The following SYNE2 variants were observed in gnomAD, a reference collection of about 807,000 sequenced individuals.
The protein encoded by SYNE2 is spectrin repeat containing nuclear envelope protein 2.
Under a neutral mutation model 856.3 loss-of-function variants are expected in SYNE2, and 431 were observed. That is an observed-to-expected ratio of 0.50 (90% CI 0.47 to 0.55). The LOEUF is 0.55. Ranked by LOEUF, SYNE2 falls within the 20% of genes least tolerant of loss-of-function variation. The pLI, the probability that SYNE2 is intolerant of heterozygous loss-of-function variation, is 0.00. For missense variants in SYNE2, 8,129 were observed against 8,023.2 expected (o/e 1.01, Z -0.50); for synonymous variants, 2,923 against 2,872.3 (o/e 1.02, Z -0.56).
intron 23 of SYNE2, among the ~76,000 whole-genome samples, chr14:63,996,107 G>T (rs1001252450): frequency 6.6e-6 from 1 of 152,120 alleles, no homozygotes; most frequent in African/African-American, 2.4e-5. Flanking sequence ...AAAACTGAAC[G>T]AATAATATCT....
At position 63,995,063 on chromosome 14, in the gene SYNE2, C is replaced by G. The variant is rs1419596389; in HGVS notation, c.2801C>G (p.Ser934Cys). 6.4e-7 allele frequency: 1 copy of G among 1,556,834 alleles called. No individual in the cohort carries two copies. Among genetic ancestry groups the G allele is most frequent in the Non-Finnish European group, 8.8e-7 (1 of 1,137,006 alleles). Residue 934 changes from serine (S) to cysteine (C), a missense_variant, in exon 23 of 116, where the codon TCT becomes TGT. Physicochemically the swap from Ser to Cys is moderately radical, Grantham distance 112. This residue lies in a region of SYNE2 where 2,422 missense variants were observed against 2,357.4 expected (regional missense o/e 1.03). Coordinates refer to ENST00000555002, the MANE Select transcript of SYNE2 (RefSeq NM_182914.3). The stretch of plus-strand genomic sequence containing the variant: ...TTGTAGTCTCTTCATCATGAACTGT[C>G]TTTATATGTTCAACAACTAAAAATA... ...AKWESLHHEL[S>C]LYVQQLKIDI...
intron 61 of SYNE2, among the ~76,000 whole-genome samples, chr14:64,096,279 C>T (rs1266526029): frequency 6.6e-6 from 1 of 152,178 alleles, no homozygotes; most frequent in Non-Finnish European, 1.5e-5. Context: ...CCAGTAACAA[C>T]GAATATACTT....
At chr14:64,062,730 T>G in intron 49 of SYNE2, 21 bp from the exon 50 acceptor site, 1 of 1,606,584 alleles carries the variant, frequency 6.2e-7, no homozygotes, top group Non-Finnish European at 8.5e-7. Flanking sequence ...TACCACTTTT[T>G]TTCTAACTGT....
In SYNE2 at chr14:64,017,635, G is replaced by T; in HGVS notation, c.4928G>T (p.Arg1643Leu). ...KTEDYYENLG[R>L]ALALWDKLFN... ...GAAGATTACTATGAAAATCTTGGTC[G>T]AGCTCTAGCTTTGTGGGACAAACTT... The change falls in exon 34 of 116, where the codon CGA (arginine) becomes CTA (leucine). Residue 1643 changes from arginine (R) to leucine (L), a missense_variant. By Grantham distance (102) the Arg-to-Leu change is moderately radical. Coordinates refer to ENST00000555002, the MANE Select transcript of SYNE2 (RefSeq NM_182914.3). 2 of 1,613,210 alleles carry T rather than the reference G, an allele frequency of 1.2e-6. No homozygotes were observed. Among genetic ancestry groups the T allele is most frequent in the Non-Finnish European group, 1.7e-6 (2 of 1,179,440 alleles).
At chr14:64,000,489 C>T in intron 27 of SYNE2, 73 bp from the exon 28 acceptor site, 2 of 1,382,834 alleles carry the variant, frequency 1.4e-6, no homozygotes, top group Non-Finnish European at 2.0e-6. Flanking sequence ...GTGAATGTCT[C>T]ATGTTTTAAG....
intron 95 of SYNE2, 31 bp from the exon 96 acceptor site, chr14:64,177,327 A>G (rs377336944): frequency 6.2e-7 from 1 of 1,613,748 alleles, no homozygotes; most frequent in Non-Finnish European, 8.5e-7. Context: ...AGAGCAAAAT[A>G]CTTACCAGTT....
intron 1 of SYNE2, among the ~76,000 whole-genome samples, chr14:63,788,459 G>T (rs1252135176): frequency 1.3e-5 from 2 of 152,144 alleles, no homozygotes; most frequent in African/African-American, 4.8e-5. Flanking sequence ...GCAGGGCAGG[G>T]ATCCTGCCTG....
chr14:64,024,895 G>T lies in SYNE2; in HGVS notation c.5841-17G>T, dbSNP rs376253496. The T allele has an allele frequency of 1.9e-6, 3 of 1,613,420 alleles. No homozygotes were observed. Among genetic ancestry groups the T allele is most frequent in the Non-Finnish European group, 2.5e-6 (3 of 1,179,748 alleles). ...TTTTGCTTATTTTGTATTTAAACAT[G>T]TGTAATGCTCTTTTAGACTCCAGGA... On this transcript the variant is annotated splice_polypyrimidine_tract_variant and intron_variant, in intron 39 of 115. Transcript: ENST00000555002.
intron 58 of SYNE2, 113 bp from the exon 59 acceptor site, chr14:64,089,461 G>T: frequency 2.3e-6 from 2 of 861,948 alleles, no homozygotes; most frequent in Non-Finnish European, 1.7e-6. Context: ...CAGAGGTATA[G>T]ATGGCAGACA....
chr14:64,048,428 C>A (rs868855674), intron 46 of SYNE2: 2 of 289,592 alleles, frequency 6.9e-6, no homozygotes, highest in Non-Finnish European at 1.3e-5. Context: ...TTTGACTTGC[C>A]ATCATTCCTT....
At chr14:64,068,004 G>A (rs894116516) in intron 51 of SYNE2, among the ~76,000 whole-genome samples, 4 of 152,014 alleles carry the variant, frequency 2.6e-5, no homozygotes, top group African/African-American at 9.7e-5. Flanking sequence ...TCTCTAGACC[G>A]GACTTTACAA....
intron 32 of SYNE2, among the ~76,000 whole-genome samples, chr14:64,013,323 A>ATTTT (rs57074861): frequency 2.2e-5 from 3 of 136,278 alleles, no homozygotes; most frequent in African/African-American, 2.6e-5. Flanking sequence ...TCCTCATTAA[A>ATTTT]TTTTTTTTTT....
At chr14:63,835,998 A>AAAT (rs201325032) in intron 1 of SYNE2, among the ~76,000 whole-genome samples, 8,201 of 149,778 alleles carry the variant, frequency 0.055, 261 homozygotes, top group Admixed American at 0.091. Flanking sequence ...AAAAAAAAAA[A>AAAT]GGTGAAAATA....
chr14:64,215,185 A>T (rs1316542466), intron 106 of SYNE2, 101 bp from the exon 107 acceptor site: 1 of 1,073,964 alleles, frequency 9.3e-7, no homozygotes, highest in Non-Finnish European at 1.4e-6. Flanking sequence ...AATAAAGGGT[A>T]GTTTTCTCCT....
chr14:64,071,000 G>T, intron 52 of SYNE2, 90 bp downstream of exon 52: 2 of 1,354,764 alleles, frequency 1.5e-6, no homozygotes, highest in Middle Eastern at 2.3e-4. Flanking sequence ...AATGGCAAAT[G>T]ATACAATAGA....
intron 21 of SYNE2, among the ~76,000 whole-genome samples, 158 bp downstream of exon 21, chr14:63,991,273 G>C (rs543912630): frequency 6.6e-6 from 1 of 152,152 alleles, no homozygotes; most frequent in Non-Finnish European, 1.5e-5. Flanking sequence ...GTTATTAAAC[G>C]TAAGTATTCA....
intron 2 of SYNE2, among the ~76,000 whole-genome samples, chr14:63,928,137 G>C (rs2095695136): frequency 6.6e-6 from 1 of 152,076 alleles, no homozygotes; most frequent in Non-Finnish European, 1.5e-5. Context: ...GCTATGAGGG[G>C]GCAAATTTGG....
At chr14:63,878,412 G>C (rs941255948) in intron 1 of SYNE2, among the ~76,000 whole-genome samples, 9 of 152,318 alleles carry the variant, frequency 5.9e-5, no homozygotes, top group African/African-American at 1.7e-4. Context: ...TGATTGTCTA[G>C]AGAAGTCGGT....
chr14:64,021,824 GATTTA>G, intron 36 of SYNE2, 28 bp from the exon 37 acceptor site: 1 of 1,611,482 alleles, frequency 6.2e-7, no homozygotes, highest in Non-Finnish European at 8.5e-7. Flanking sequence ...CCTGTTTTAA[GATTTA>G]ATGGTTGTTG....
Sources: gnomAD v4.1 joint callset for allele counts (sites outside exome capture counted in the v4.1 genomes callset) on GRCh38, gnomAD v4.1.1 for gene constraint, gnomAD v4.1.1 regional missense constraint, MANE v1.5 for transcripts, NCBI Gene and HGNC (gene_info 2026-07-23, HGNC 2026-07-21) for gene names.